NF1: variants seen among roughly 807,000 people sequenced by gnomAD.
NF1 encodes neurofibromin 1.
NF1 carries 122 observed loss-of-function variants against 325.7 expected under a neutral mutation model. The observed-to-expected ratio is 0.37, with a 90% CI of 0.32 to 0.44. The LOEUF is 0.44. Among genes scored for constraint, NF1 ranks in the 20% least tolerant of loss-of-function variants. The pLI is 1.00. For missense variants in NF1, 2,140 were observed against 3,415.4 expected, an observed-to-expected ratio of 0.63 and a Z score of 9.31; for synonymous variants, 1,091 against 1,186.0, an observed-to-expected ratio of 0.92 and a Z score of 1.65.
intron 33 of NF1, among the ~76,000 whole-genome samples, chr17:31,259,812 C>T (rs1328696230): frequency 6.6e-6 from 1 of 152,126 alleles, no homozygotes; most frequent in Non-Finnish European, 1.5e-5. Context: ...TCTAATTGAT[C>T]CTCATCATCT....
intron 37 of NF1, among the ~76,000 whole-genome samples, 195 bp from the exon 38 acceptor site, chr17:31,327,304 A>C (rs1379140314): frequency 6.6e-6 from 1 of 152,184 alleles, no homozygotes; most frequent in Non-Finnish European, 1.5e-5. Flanking sequence ...AAATTAAAAA[A>C]TTTTTAAATG....
rs141818090 is a variant in NF1 at position 31,188,020 on chromosome 17, G to A, written c.888+5355G>A. 4.9e-3 allele frequency among the ~76,000 whole-genome samples: 748 copies of A among 152,284 alleles called. 7 individuals carry two copies. Among genetic ancestry groups the A allele is most frequent in the African/African-American group, 0.017 (713 of 41,550 alleles). Reference sequence around the variant, plus strand: ...AGTATGCATGGAGATCCATTAGGGCGTCTTTTAGTATTACCATGTATTGCC... The same window carrying A: ...AGTATGCATGGAGATCCATTAGGGCATCTTTTAGTATTACCATGTATTGCC... On this transcript the variant is annotated intron_variant, in intron 8 of 57. Coordinates refer to ENST00000358273, the MANE Select transcript of NF1 (RefSeq NM_001042492.3).
intron 31 of NF1, 151 bp from the exon 32 acceptor site, chr17:31,258,193 T>G: frequency 1.3e-6 from 1 of 766,274 alleles, no homozygotes; most frequent in Non-Finnish European, 2.2e-6. Flanking sequence ...TATTTTCTCA[T>G]GTTTTGGGAG....
intron 13 of NF1, among the ~76,000 whole-genome samples, chr17:31,218,729 G>A (rs1003121868): frequency 3.3e-5 from 5 of 151,736 alleles, no homozygotes; most frequent in East Asian, 3.9e-4. Context: ...ATGCCACCAC[G>A]CCTGGCTAAT....
chr17:31,327,688 A>G lies in NF1; in HGVS notation c.5458A>G (p.Ile1820Val), dbSNP rs786202459. Reference protein sequence around the residue: ...LTFMHQECEAIVQSIIHIRTR... With the variant: ...LTFMHQECEAVVQSIIHIRTR... The stretch of plus-strand genomic sequence containing the variant: ...CTTCATGCACCAGGAGTGTGAAGCC[A>G]TTGTCCAGTCTATCATTCATATCCG... The change falls in exon 38 of 58, where the codon ATT becomes GTT. Residue 1820 changes from isoleucine to valine, a missense_variant. Around this residue, in one of 10 missense-constraint regions of NF1, gnomAD observed 147 missense variants for 186.7 expected, o/e 0.79. Transcript: ENST00000358273. 3 of 1,614,136 alleles carry G rather than the reference A, an allele frequency of 1.9e-6. No homozygotes were observed. Among genetic ancestry groups the G allele is most frequent in the Non-Finnish European group, 2.5e-6 (3 of 1,180,034 alleles).
intron 27 of NF1, among the ~76,000 whole-genome samples, chr17:31,234,652 C>G (rs2067169399): frequency 9.0e-6 from 1 of 111,380 alleles, no homozygotes; most frequent in Admixed American, 1.4e-4. Flanking sequence ...GCCTGGGCGA[C>G]AGAGCGAGAC....
intron 30 of NF1, 107 bp from the exon 31 acceptor site, chr17:31,252,831 C>T: frequency 1.2e-6 from 1 of 850,738 alleles, no homozygotes. Context: ...TTGTTGATTC[C>T]ATTTGTGTTA....
intron 12 of NF1, among the ~76,000 whole-genome samples, chr17:31,210,167 T>C (rs2066702574): frequency 6.6e-6 from 1 of 152,222 alleles, no homozygotes; most frequent in African/African-American, 2.4e-5. Flanking sequence ...AAGCAGTAGC[T>C]TTGTCTGGCT....
intron 12 of NF1, among the ~76,000 whole-genome samples, chr17:31,213,188 A>G (rs2066759400): frequency 2.0e-5 from 3 of 152,212 alleles, no homozygotes. Flanking sequence ...TACAGTTGAA[A>G]GAGAGCAAAC....
intron 36 of NF1, chr17:31,296,434 CGTT>C: frequency 1.8e-6 from 2 of 1,118,826 alleles, no homozygotes; most frequent in South Asian, 2.5e-5. Context: ...CAATAAACCT[CGTT>C]GTTGTCGAGT....
chr17:31,166,672 GTTTTTTTC>G (rs1256294893), intron 4 of NF1, among the ~76,000 whole-genome samples: 3 of 152,016 alleles, frequency 2.0e-5, no homozygotes, highest in African/African-American at 4.8e-5. Flanking sequence ...GTGCTGGTAG[GTTTTTTTC>G]TTTTTTTCTT....
At chr17:31,134,612 G>A (rs1915623665) in intron 1 of NF1, among the ~76,000 whole-genome samples, 2 of 152,236 alleles carry the variant, frequency 1.3e-5, no homozygotes, top group African/African-American at 4.8e-5. Context: ...TGAAGCTGCA[G>A]TGACAGTCTT....
intron 29 of NF1, among the ~76,000 whole-genome samples, chr17:31,236,465 A>T (rs1406399040): frequency 6.6e-6 from 1 of 152,162 alleles, no homozygotes; most frequent in African/African-American, 2.4e-5. Flanking sequence ...TTTGAGACAG[A>T]GTCTCACTCT....
chr17:31,351,093 T>C (rs572151005), intron 50 of NF1, among the ~76,000 whole-genome samples: 8 of 152,062 alleles, frequency 5.3e-5, no homozygotes, highest in Non-Finnish European at 1.2e-4. Context: ...ATTATATTAC[T>C]TTGAGATATG....
At chr17:31,352,788 T>C (rs1340628789) in intron 51 of NF1, among the ~76,000 whole-genome samples, 1 of 152,038 alleles carries the variant, frequency 6.6e-6, no homozygotes, top group Non-Finnish European at 1.5e-5. Context: ...TTCCCAAAAT[T>C]ATCATCTGAG....
At chr17:31,272,374 T>A (rs1336126233) in intron 36 of NF1, 7 of 152,302 alleles carry the variant, frequency 4.6e-5, no homozygotes, top group Non-Finnish European at 1.0e-4. Context: ...GGGTCACTGC[T>A]GTATTCAGAC....
intron 36 of NF1, among the ~76,000 whole-genome samples, chr17:31,265,819 G>A (rs944506809): frequency 6.6e-6 from 1 of 152,118 alleles, no homozygotes; most frequent in East Asian, 1.9e-4. Context: ...GATGGTGCAA[G>A]GGGTGGCCTG....
chr17:31,206,704 T>C (rs1166521995), intron 12 of NF1, among the ~76,000 whole-genome samples: 2 of 151,964 alleles, frequency 1.3e-5, no homozygotes, highest in African/African-American at 4.8e-5. Context: ...CTCTCACGTT[T>C]TGGGGATGAG....
chr17:31,368,080 A>G (rs1347413604), intron 57 of NF1, among the ~76,000 whole-genome samples: 1 of 152,236 alleles, frequency 6.6e-6, no homozygotes, highest in Admixed American at 6.5e-5. Context: ...TAATATACAA[A>G]AAGATTACAC....
Sources: allele counts gnomAD v4.1 joint callset (sites outside exome capture counted in the v4.1 genomes callset), GRCh38; gene constraint gnomAD v4.1.1; regional missense constraint gnomAD v4.1.1; transcripts MANE v1.5; gene names NCBI Gene and HGNC (gene_info 2026-07-23, HGNC 2026-07-21).